Variants in TTC7B observed in about 807,000 individuals in gnomAD.
The protein encoded by TTC7B is tetratricopeptide repeat protein 7B.
TTC7B carries 28 observed loss-of-function variants against 106.8 expected under a neutral mutation model. The ratio of observed to expected loss-of-function variants is 0.26; its 90% confidence interval spans 0.19 to 0.36. TTC7B has a LOEUF of 0.36. TTC7B is among the 10% of genes least tolerant of loss of function. TTC7B has a pLI of 1.00. For missense variants in TTC7B, 862 were observed against 1,076.4 expected (o/e 0.80, Z 2.79); for synonymous variants, 405 against 430.6 (o/e 0.94, Z 0.74).
At chr14:90,691,370 T>C (rs1015744664) in intron 6 of TTC7B, among the ~76,000 whole-genome samples, 5 of 152,174 alleles carry the variant, frequency 3.3e-5, no homozygotes, top group African/African-American at 1.2e-4. Flanking sequence ...TTGATGTGAT[T>C]GCATATTCTG....
intron 5 of TTC7B, among the ~76,000 whole-genome samples, chr14:90,718,258 T>G (rs1888737153): frequency 6.6e-6 from 1 of 152,190 alleles, no homozygotes; most frequent in South Asian, 2.1e-4. Flanking sequence ...TGGAATCCCA[T>G]CCAGATGTGT....
intron 12 of TTC7B, among the ~76,000 whole-genome samples, chr14:90,653,547 G>C (rs1181222811): frequency 1.3e-5 from 2 of 152,216 alleles, no homozygotes; most frequent in Non-Finnish European, 2.9e-5. Context: ...CAGAGCATGT[G>C]AGAAATGGCC....
At position 90,702,994 on chromosome 14, in the gene TTC7B, G is replaced by A. The variant is rs374136007; in HGVS notation, c.699-7416C>T. Among the ~76,000 whole-genome samples, 69 of 152,290 alleles carry A rather than the reference G, an allele frequency of 4.5e-4. No homozygotes were observed. The South Asian group carries it at 0.01, about 23-fold the overall frequency. On this transcript the variant is annotated intron_variant, in intron 5 of 19. Transcript: ENST00000328459. ...GTTCTGAGTTCATCAAGAAGGGCCA[G>A]ATCACACTAAAAAATTTGAACTCAA...
intron 16 of TTC7B, 107 bp from the exon 17 acceptor site, chr14:90,610,946 T>G: frequency 2.5e-6 from 2 of 794,778 alleles, no homozygotes; most frequent in Non-Finnish European, 4.5e-6. Context: ...TTTCTGTGCA[T>G]TTTTTACGTT....
At position 90,600,581 on chromosome 14, in the gene TTC7B, G is replaced by A. The variant is rs532911678; in HGVS notation, c.1967-6955C>T. On this transcript the variant is annotated intron_variant, in intron 17 of 19. Coordinates refer to ENST00000328459, the MANE Select transcript of TTC7B (RefSeq NM_001010854.2). This position sits in a 1 kb window ranked among gnomAD's most constrained non-coding sequence, Gnocchi z 4.3. ...TGACTTTAACATAATATCAAGCACC[G>A]TTTAAACCTGACAGCACACGTCTTG... Among the ~76,000 whole-genome samples, 13 of 152,314 alleles carry A rather than the reference G, an allele frequency of 8.5e-5. No individual in the cohort carries two copies. The highest frequency in any genetic ancestry group is 1.2e-4 in the African/African-American group (5 of 41,566).
At chr14:90,628,963 G>A (rs545993383) in intron 15 of TTC7B, among the ~76,000 whole-genome samples, 2 of 152,254 alleles carry the variant, frequency 1.3e-5, no homozygotes, top group Admixed American at 6.5e-5. Flanking sequence ...GGCATAGCAC[G>A]CTCCAGCGTG....
intron 1 of TTC7B, among the ~76,000 whole-genome samples, chr14:90,799,041 C>T (rs1448732267): frequency 6.6e-6 from 1 of 152,148 alleles, no homozygotes; most frequent in Admixed American, 6.5e-5. Flanking sequence ...TCCATCATCT[C>T]AGAGCCAAGG....
At chr14:90,653,277 G>A (rs1269653635) in intron 12 of TTC7B, among the ~76,000 whole-genome samples, 1 of 152,216 alleles carries the variant, frequency 6.6e-6, no homozygotes, top group Non-Finnish European at 1.5e-5. Context: ...GATGGGGTGG[G>A]AGGGTTGCAA....
intron 17 of TTC7B, among the ~76,000 whole-genome samples, chr14:90,601,321 T>A (rs1892414228): frequency 6.6e-6 from 1 of 152,198 alleles, no homozygotes; most frequent in Admixed American, 6.5e-5. Flanking sequence ...AATTGACTAG[T>A]CACTTCCTGA....
intron 15 of TTC7B, among the ~76,000 whole-genome samples, chr14:90,631,269 C>T (rs182783674): frequency 6.6e-6 from 1 of 152,238 alleles, no homozygotes; most frequent in Admixed American, 6.5e-5. Context: ...GCTGTGAACA[C>T]GGGTGTATAG....
chr14:90,567,137 C>T (rs1416566259), intron 19 of TTC7B, among the ~76,000 whole-genome samples: 1 of 152,222 alleles, frequency 6.6e-6, no homozygotes, highest in Non-Finnish European at 1.5e-5. Flanking sequence ...GGTCAGCACC[C>T]CGCAAGAGCC....
At chr14:90,682,976 A>G (rs1368534230) in intron 7 of TTC7B, among the ~76,000 whole-genome samples, 2 of 152,248 alleles carry the variant, frequency 1.3e-5, no homozygotes, top group African/African-American at 4.8e-5. Flanking sequence ...ATTCTCAGGT[A>G]TAAGTAGTAA....
chr14:90,672,806 A>C (rs1886681688), intron 9 of TTC7B, among the ~76,000 whole-genome samples: 1 of 152,208 alleles, frequency 6.6e-6, no homozygotes, highest in African/African-American at 2.4e-5. Flanking sequence ...TGTGCCTAGT[A>C]ACTCCTGTAT....
At chr14:90,798,732 A>AC (rs2030047931) in intron 1 of TTC7B, among the ~76,000 whole-genome samples, 2 of 147,104 alleles carry the variant, frequency 1.4e-5, no homozygotes, top group Non-Finnish European at 3.0e-5. Flanking sequence ...AAAAAAAAAA[A>AC]CACGCAATAA....
chr14:90,646,917 T>TGCAG (rs1566816372), intron 14 of TTC7B, 34 bp downstream of exon 14: 2 of 1,574,096 alleles, frequency 1.3e-6, no homozygotes, highest in South Asian at 2.2e-5. Flanking sequence ...AGATACAGAG[T>TGCAG]GCAGCAAGTA....
chr14:90,780,511 G>A (rs1406559150), intron 3 of TTC7B, among the ~76,000 whole-genome samples: 1 of 138,594 alleles, frequency 7.2e-6, no homozygotes, highest in Non-Finnish European at 1.6e-5. Flanking sequence ...TTGCTGAAAT[G>A]TTTTTCCTTC....
At chr14:90,659,400 T>C (rs1886094625) in intron 9 of TTC7B, among the ~76,000 whole-genome samples, 1 of 152,062 alleles carries the variant, frequency 6.6e-6, no homozygotes, top group Admixed American at 6.6e-5. Context: ...ACCAAAGACA[T>C]TCTGGGACCT....
chr14:90,715,119 C>A (rs1888603404), intron 5 of TTC7B, among the ~76,000 whole-genome samples: 1 of 152,188 alleles, frequency 6.6e-6, no homozygotes, highest in African/African-American at 2.4e-5. Flanking sequence ...ACAAGCTTCC[C>A]AGTAAATAGT....
At chr14:90,658,138 C>T (rs1248958911) in intron 10 of TTC7B, 166 bp downstream of exon 10, 5 of 629,282 alleles carry the variant, frequency 7.9e-6, no homozygotes, top group Non-Finnish European at 1.4e-5. Flanking sequence ...TCTTGGCTCC[C>T]CAAACAATTA....
Sources: allele counts gnomAD v4.1 joint callset (sites outside exome capture counted in the v4.1 genomes callset), GRCh38; gene constraint gnomAD v4.1.1; non-coding constraint Gnocchi (gnomAD v3.1); transcripts MANE v1.5; gene names NCBI Gene and HGNC (gene_info 2026-07-23, HGNC 2026-07-21).